EEF1AKMT1: variants seen among roughly 807,000 people sequenced by gnomAD.
The protein encoded by EEF1AKMT1 is EEF1A lysine methyltransferase 1.
A neutral mutation model predicts 21.0 loss-of-function variants in EEF1AKMT1; 18 were observed. The observed-to-expected ratio is 0.86, with a 90% CI of 0.59 to 1.27. EEF1AKMT1 has a LOEUF of 1.27. Ranked by LOEUF, EEF1AKMT1 falls within the 50% of genes most tolerant of loss-of-function variation. EEF1AKMT1 has a pLI of 0.00. For missense variants in EEF1AKMT1, 246 were observed against 258.6 expected, an observed-to-expected ratio of 0.95 and a Z score of 0.33; for synonymous variants, 109 against 94.8, an observed-to-expected ratio of 1.15 and a Z score of -0.87.
intron 1 of EEF1AKMT1, among the ~76,000 whole-genome samples, chr13:20,764,917 A>ACACACC (rs71087097): frequency 2.3e-4 from 34 of 146,394 alleles, no homozygotes; most frequent in African/African-American, 4.6e-4. Flanking sequence ...ACACACACAC[A>ACACACC]CCCTAATTTT....
rs187520464 is a variant in EEF1AKMT1 at position 20,757,683 on chromosome 13, T to A, written c.-19-66A>T. 851 of 1,301,086 alleles carry A rather than the reference T, an allele frequency of 6.5e-4. 4 individuals carry two copies. The African/African-American group carries it at 0.011, about 17-fold the overall frequency. 80.6% of individuals were successfully genotyped at this position (1,301,086 alleles called of 1,614,324 possible). On this transcript the variant is annotated intron_variant, in intron 1 of 4. Coordinates refer to ENST00000382758, the MANE Select transcript of EEF1AKMT1 (RefSeq NM_001318939.2). The stretch of plus-strand genomic sequence containing the variant: ...CCCCTTCCCAGCCAGTAATAATTTT[T>A]AAAAATTTTTATTTAACAGCAAGGA...
intron 2 of EEF1AKMT1, among the ~76,000 whole-genome samples, chr13:20,751,434 C>A (rs1358221886): frequency 6.6e-6 from 1 of 151,890 alleles, no homozygotes; most frequent in Non-Finnish European, 1.5e-5. Context: ...GTGTCCTTTC[C>A]CCTTGGCACC....
intron 3 of EEF1AKMT1, among the ~76,000 whole-genome samples, chr13:20,733,610 G>C (rs2058810344): frequency 6.6e-6 from 1 of 152,186 alleles, no homozygotes; most frequent in Non-Finnish European, 1.5e-5. Context: ...ATCTATTCAA[G>C]GAACAGAACA....
At position 20,728,986 on chromosome 13, in the gene EEF1AKMT1, G is replaced by C. The variant is rs563345948; in HGVS notation, c.*94C>G. ...GGCCAGGGACAGCTCCAGTTTGGGG[G>C]GAGGGGAAGAGATTATAACTTTTAA... On this transcript the variant is annotated 3_prime_UTR_variant, in exon 5 of 5. Transcript: ENST00000382758. The C allele has an allele frequency of 1.3e-6, 2 of 1,494,222 alleles. No individual in the cohort carries two copies. Among genetic ancestry groups the C allele is most frequent in the Admixed American group, 3.5e-5 (2 of 57,738 alleles). 92.6% of individuals were successfully genotyped at this position (1,494,222 alleles called of 1,614,324 possible). A position where few individuals can be genotyped will look rare whatever the true frequency, so the allele number is the denominator to read the frequency against.
At chr13:20,739,085 A>C (rs964893881) in intron 2 of EEF1AKMT1, among the ~76,000 whole-genome samples, 2 of 152,122 alleles carry the variant, frequency 1.3e-5, no homozygotes, top group Non-Finnish European at 2.9e-5. Flanking sequence ...CGCTGGCTTC[A>C]GGAGTGAAGC....
At chr13:20,751,152 C>T (rs1295050207) in intron 2 of EEF1AKMT1, among the ~76,000 whole-genome samples, 2 of 152,132 alleles carry the variant, frequency 1.3e-5, no homozygotes, top group Non-Finnish European at 2.9e-5. Context: ...CTGATTGTTT[C>T]CTTTGCTGTG....
chr13:20,731,966 TC>T lies in EEF1AKMT1; in HGVS notation c.382del (p.Glu128LysfsTer11). The T allele has an allele frequency of 2.5e-6, 4 of 1,614,246 alleles. No homozygotes were observed. Among genetic ancestry groups the T allele is most frequent in the Non-Finnish European group, 3.4e-6 (4 of 1,180,050 alleles). ...YDYNNPLDLP[E>X]RIAAHSFDIV... ...GTCAAAACTATGTGCAGCAATTCTT[TC>T]GGGTAAGTCCAATGGATTATTGTAA... On this transcript the variant is annotated frameshift_variant, in exon 4 of 5. Transcript: ENST00000382758. LOFTEE classifies it high-confidence loss of function.
At chr13:20,773,517 C>T (rs1025529290) in intron 1 of EEF1AKMT1, among the ~76,000 whole-genome samples, 3 of 152,232 alleles carry the variant, frequency 2.0e-5, no homozygotes, top group African/African-American at 7.2e-5. Flanking sequence ...ACTCCATCAG[C>T]GAACTTCTGA....
At chr13:20,755,646 G>A (rs3923852) in intron 2 of EEF1AKMT1, among the ~76,000 whole-genome samples, 57,315 of 152,042 alleles carry the variant, frequency 0.38, 11,905 homozygotes, top group East Asian at 0.76. Context: ...CTCTAAGGTA[G>A]TCTATTTGAA....
intron 3 of EEF1AKMT1, among the ~76,000 whole-genome samples, chr13:20,736,293 G>A (rs1566527959): frequency 6.6e-6 from 1 of 152,150 alleles, no homozygotes; most frequent in Non-Finnish European, 1.5e-5. Context: ...ATGGAGCAAC[G>A]CCTTCAAAAC....
Position 20,729,417 on chromosome 13 carries a change from C to CT in EEF1AKMT1, c.509-202dup, listed in dbSNP as rs752421768. Among the ~76,000 whole-genome samples, 4 of 151,996 alleles carry CT rather than the reference C, an allele frequency of 2.6e-5. No homozygotes were observed. In the East Asian group the frequency reaches 7.8e-4, roughly 29 times the overall value. On this transcript the variant is annotated intron_variant, in intron 4 of 4. Coordinates refer to ENST00000382758, the MANE Select transcript of EEF1AKMT1 (RefSeq NM_001318939.2). Reference sequence around the variant, plus strand: ...GCAATTTACCAACTTTTTTCCATGTCTTTTTTATTGAATGAATTATTTTCC... The same window carrying CT: ...GCAATTTACCAACTTTTTTCCATGTCTTTTTTTATTGAATGAATTATTTTCC...
intron 2 of EEF1AKMT1, among the ~76,000 whole-genome samples, chr13:20,740,347 C>T (rs936582178): frequency 3.9e-5 from 6 of 152,250 alleles, no homozygotes; most frequent in Non-Finnish European, 8.8e-5. Context: ...GAGCCGGCTT[C>T]GGCCTCGGCC....
rs149631511 is a variant in EEF1AKMT1 at position 20,732,547 on chromosome 13, G to A, written c.228-426C>T. Among the ~76,000 whole-genome samples, 461 of 152,244 alleles carry A rather than the reference G, an allele frequency of 3.0e-3. 1 individual carries two copies. Among genetic ancestry groups the A allele is most frequent in the African/African-American group, 0.011 (450 of 41,522 alleles). On this transcript the variant is annotated intron_variant, in intron 3 of 4. Transcript: ENST00000382758. ...GGGGTTTCATCATGTTGGCTAGGCT[G>A]GTCTTGAACTCCTGACCTCAGGTGA... is the stretch of plus-strand genomic sequence containing the variant.
intron 2 of EEF1AKMT1, among the ~76,000 whole-genome samples, chr13:20,752,597 T>C (rs957677581): frequency 6.6e-6 from 1 of 152,186 alleles, no homozygotes; most frequent in Non-Finnish European, 1.5e-5. Context: ...GATACTGGCC[T>C]GTAATTTTCT....
At chr13:20,769,093 G>A in intron 1 of EEF1AKMT1, 1 of 152,066 alleles carries the variant, frequency 6.6e-6, no homozygotes, top group Non-Finnish European at 1.5e-5. Flanking sequence ...GTTGTCACTG[G>A]GAAGTCTGTG....
intron 1 of EEF1AKMT1, among the ~76,000 whole-genome samples, chr13:20,772,995 T>TA (rs1414296144): frequency 3.3e-5 from 5 of 152,248 alleles, no homozygotes; most frequent in African/African-American, 7.2e-5. Flanking sequence ...TATGAATGGG[T>TA]AAGGCCTAGA....
In EEF1AKMT1 at chr13:20,732,171, C is replaced by T. The variant is rs375576839; in HGVS notation, c.228-50G>A. The T allele has an allele frequency of 5.9e-5, 91 of 1,545,174 alleles. No homozygotes were observed. In the East Asian group the frequency reaches 1.0e-3, roughly 18 times the overall value. Reference sequence around the variant, plus strand: ...TGAAACATCCTTAACAGAGAGATTACGGTGTTAACAACTTCTTCACTAAAC... The same window carrying T: ...TGAAACATCCTTAACAGAGAGATTATGGTGTTAACAACTTCTTCACTAAAC... On this transcript the variant is annotated intron_variant, in intron 3 of 4. Transcript: ENST00000382758.
At chr13:20,757,990 C>T (rs2058980024) in intron 1 of EEF1AKMT1, among the ~76,000 whole-genome samples, 1 of 152,152 alleles carries the variant, frequency 6.6e-6, no homozygotes, top group Non-Finnish European at 1.5e-5. Context: ...AGGTAACAGG[C>T]CCCGAAAGAA....
intron 2 of EEF1AKMT1, among the ~76,000 whole-genome samples, chr13:20,751,091 G>C (rs2058937735): frequency 6.6e-6 from 1 of 152,116 alleles, no homozygotes; most frequent in Non-Finnish European, 1.5e-5. Flanking sequence ...CTTGTCAGAT[G>C]AATAGTTTTC....
Sources: gnomAD v4.1 joint callset for allele counts (sites outside exome capture counted in the v4.1 genomes callset) on GRCh38, gnomAD v4.1.1 for gene constraint, MANE v1.5 for transcripts, NCBI Gene and HGNC (gene_info 2026-07-23, HGNC 2026-07-21) for gene names.